OTOP1: variants seen among roughly 807,000 people sequenced by gnomAD.
OTOP1 encodes otopetrin 1.
OTOP1 carries 59 observed loss-of-function variants against 52.9 expected under a neutral mutation model. The observed-to-expected ratio is 1.12, with a 90% CI of 0.91 to 1.39. The LOEUF is 1.39. Among genes scored for constraint, OTOP1 ranks in the 40% most tolerant of loss-of-function variants. The probability of loss-of-function intolerance (pLI) is 0.00; values close to 1 mark genes in which losing one functional copy is unlikely to be tolerated. For synonymous variants in OTOP1, 317 were observed against 337.7 expected (o/e 0.94, Z 0.67); for missense variants, 761 against 800.9 (o/e 0.95, Z 0.60).
Position 4,202,521 on chromosome 4 carries a change from G to A in OTOP1, c.657C>T (p.Leu219=). 1 of 1,614,102 alleles carries A rather than the reference G, an allele frequency of 6.2e-7. No individual in the cohort carries two copies. The stretch of plus-strand genomic sequence containing the variant: ...CATTGAGTTGGTGCTTTGACTCATT[G>A]AGGACGCCATTGGCCCACAGAAGCA... ...TNLLLWANGV[L]NESKHQLNEH... The change falls in exon 4 of 6, where the codon CTC becomes CTT. Residue 219 remains leucine, a synonymous_variant. Transcript: ENST00000296358.
chr4:4,226,691 G>A lies in OTOP1; in HGVS notation c.174C>T (p.Ala58=), dbSNP rs199644487. Reference sequence around the variant, plus strand: ...GCCCATACTGGCTGCTCAGCATCTCGGCCAGTTTCTGTGGGACGCTGGCGC... The same window carrying A: ...GCCCATACTGGCTGCTCAGCATCTCAGCCAGTTTCTGTGGGACGCTGGCGC... ...GVRASVPQKL[A]EMLSSQYGLI... is the part of the protein sequence containing the mutation. The change falls in exon 1 of 6, where the codon GCC becomes GCT. Residue 58 remains alanine (A), a synonymous_variant. Coordinates refer to ENST00000296358, the MANE Select transcript of OTOP1 (RefSeq NM_177998.3). 3.0e-5 allele frequency: 45 copies of A among 1,495,460 alleles called. No individual in the cohort carries two copies. In the South Asian group the frequency reaches 5.3e-4, roughly 18 times the overall value. The allele number at this position is 1,495,460 out of a possible 1,614,324, so 92.6% of individuals were successfully genotyped here. A position where few individuals can be genotyped will look rare whatever the true frequency, so the allele number is the denominator to read the frequency against.
At position 4,188,993 on chromosome 4, in the gene OTOP1, G is replaced by A; in HGVS notation, c.1669-20C>T. ...CCAAAGCTGCAAGAGAAGAGAAAAT[G>A]GCATGTGGTGGGGAGCAGCTTCCAA... On this transcript the variant is annotated intron_variant, in intron 5 of 5. Transcript: ENST00000296358. 1 of 1,607,878 alleles carries A rather than the reference G, an allele frequency of 6.2e-7. No individual in the cohort carries two copies. The highest frequency in any genetic ancestry group is 8.5e-7 in the Non-Finnish European group (1 of 1,176,664).
At chr4:4,212,807 T>C in intron 2 of OTOP1, 61 bp downstream of exon 2, 1 of 1,582,872 alleles carries the variant, frequency 6.3e-7, no homozygotes, top group African/African-American at 1.3e-5. Context: ...TACAAGTTTC[T>C]ACACAACCTG....
chr4:4,211,920 TTAA>T (rs1717034208), intron 2 of OTOP1, among the ~76,000 whole-genome samples: 1 of 152,134 alleles, frequency 6.6e-6, no homozygotes, highest in African/African-American at 2.4e-5. Context: ...AAGACTATAG[TTAA>T]TAATATTGTA....
chr4:4,201,628 G>C (rs970354214), intron 4 of OTOP1, among the ~76,000 whole-genome samples: 2 of 152,006 alleles, frequency 1.3e-5, no homozygotes, highest in African/African-American at 4.8e-5. Context: ...GATGAAACAG[G>C]TTCAAAGTGG....
At chr4:4,218,392 A>AAG (rs1491221992) in intron 1 of OTOP1, among the ~76,000 whole-genome samples, 1 of 13,332 alleles carries the variant, frequency 7.5e-5, no homozygotes, top group African/African-American at 4.1e-4. Flanking sequence ...ACTCCAACTC[A>AAG]AAAAAAAAAA....
chr4:4,194,861 C>A (rs147827186), intron 5 of OTOP1, among the ~76,000 whole-genome samples: 261 of 152,326 alleles, frequency 1.7e-3, no homozygotes, highest in African/African-American at 5.8e-3. Context: ...ACCATCCTTC[C>A]TTTATGTGTC....
intron 5 of OTOP1, among the ~76,000 whole-genome samples, chr4:4,196,407 A>T (rs746865883): frequency 1.6e-4 from 24 of 152,038 alleles, no homozygotes; most frequent in Non-Finnish European, 2.6e-4. Flanking sequence ...ATTTTCAAAA[A>T]TTAGCCAAGT....
intron 5 of OTOP1, among the ~76,000 whole-genome samples, chr4:4,191,958 G>A (rs1716518811): frequency 6.6e-6 from 1 of 152,162 alleles, no homozygotes. Context: ...AGGAAGGCAG[G>A]AAAATGGGAC....
Position 4,226,856 on chromosome 4 carries a change from C to G in OTOP1, c.9G>C (p.Glu3Asp). The stretch of plus-strand genomic sequence containing the variant: ...GGGGCGAGGCGGGCGACCCCAGGCC[C>G]TCGAGCATCTTCGAGACACCCGCGC... ML[E>D]GLGSPASPRA... Residue 3 changes from glutamate to aspartate, a missense_variant, in exon 1 of 6, where the codon GAG becomes GAC. This residue lies in a region of OTOP1 where 73 missense variants were observed against 75.7 expected (regional missense o/e 0.96). Coordinates refer to ENST00000296358, the MANE Select transcript of OTOP1 (RefSeq NM_177998.3). The G allele has an allele frequency of 7.5e-7, 1 of 1,332,300 alleles. No homozygotes were observed. Among genetic ancestry groups the G allele is most frequent in the Non-Finnish European group, 9.6e-7 (1 of 1,046,032 alleles). The allele number at this position is 1,332,300 out of a possible 1,614,324, so 82.5% of individuals were successfully genotyped here. A position where few individuals can be genotyped will look rare whatever the true frequency, so the allele number is the denominator to read the frequency against.
intron 2 of OTOP1, among the ~76,000 whole-genome samples, chr4:4,209,550 C>T (rs566454700): frequency 6.6e-6 from 1 of 152,328 alleles, no homozygotes; most frequent in African/African-American, 2.4e-5. Context: ...TGGCTCCCCA[C>T]TGCCCTCGAG....
Position 4,209,051 on chromosome 4 carries a change from T to C in OTOP1, c.541-2921A>G, listed in dbSNP as rs115849759. Among the ~76,000 whole-genome samples, 1,257 of 152,302 alleles carry C rather than the reference T, an allele frequency of 8.3e-3. 16 individuals are homozygous for C. Among genetic ancestry groups the C allele is most frequent in the African/African-American group, 0.029 (1,205 of 41,566 alleles). On this transcript the variant is annotated intron_variant, in intron 2 of 5. Transcript: ENST00000296358. ...CTGGGCAAGTGTACTTCCAAGAGCA[T>C]CTTACCTGCTTTACTGCAGTCCTAA...
intron 3 of OTOP1, among the ~76,000 whole-genome samples, chr4:4,204,680 C>A (rs1716857516): frequency 6.6e-6 from 1 of 151,726 alleles, no homozygotes; most frequent in South Asian, 2.1e-4. Context: ...CTCTCATGAG[C>A]CATTTCTAAT....
At chr4:4,202,710 G>T in intron 3 of OTOP1, 132 bp from the exon 4 acceptor site, 2 of 1,179,094 alleles carry the variant, frequency 1.7e-6, no homozygotes, top group Non-Finnish European at 1.2e-6. Flanking sequence ...GGCAGTTCAG[G>T]CTCTGGGTGG....
Position 4,197,148 on chromosome 4 carries a change from T to A in OTOP1, c.1668+18A>T. ...TAAAGTAAAATTAAAAGAATAAGAA[T>A]AACTTGGTGCAGATTACCGAAATAT... is the stretch of plus-strand genomic sequence containing the variant. On this transcript the variant is annotated intron_variant, in intron 5 of 5. Transcript: ENST00000296358. The A allele has an allele frequency of 5.1e-6, 8 of 1,575,206 alleles. No individual in the cohort carries two copies. Among genetic ancestry groups the A allele is most frequent in the Non-Finnish European group, 6.9e-6 (8 of 1,159,430 alleles).
chr4:4,220,094 TA>T (rs1560211544), intron 1 of OTOP1, among the ~76,000 whole-genome samples: 1,151 of 103,750 alleles, frequency 0.011, 54 homozygotes, highest in African/African-American at 0.046. Flanking sequence ...TATATATATA[TA>T]TATATATATA....
At chr4:4,213,552 G>C (rs1717068880) in intron 1 of OTOP1, among the ~76,000 whole-genome samples, 1 of 152,170 alleles carries the variant, frequency 6.6e-6, no homozygotes, top group Non-Finnish European at 1.5e-5. Flanking sequence ...CTCATATAAT[G>C]AAATCGTACA....
Position 4,197,684 on chromosome 4 carries a change from T to G in OTOP1, c.1150A>C (p.Asn384His). 1 of 1,613,268 alleles carries G rather than the reference T, an allele frequency of 6.2e-7. No individual in the cohort carries two copies. ...IDEKSLDESKNPARKLDSDLL... is the reference protein window; with the variant it reads ...IDEKSLDESKHPARKLDSDLL... Reference sequence around the variant, plus strand: ...TCCGAGTCCAGTTTGCGGGCCGGATTTTTGGACTCATCCAGTGACTTCTCG... The same window carrying G: ...TCCGAGTCCAGTTTGCGGGCCGGATGTTTGGACTCATCCAGTGACTTCTCG... Residue 384 changes from asparagine (N) to histidine (H), a missense_variant, in exon 5 of 6, where the codon AAT becomes CAT. Physicochemically the swap from Asn to His is moderately conservative, Grantham distance 68. Coordinates refer to ENST00000296358, the MANE Select transcript of OTOP1 (RefSeq NM_177998.3).
chr4:4,225,691 G>T (rs114259754), intron 1 of OTOP1, among the ~76,000 whole-genome samples: 2 of 151,840 alleles, frequency 1.3e-5, no homozygotes, highest in African/African-American at 4.8e-5. Flanking sequence ...CTGCATCCAC[G>T]CATTCATTAT....
Sources: gnomAD v4.1 joint callset for allele counts (sites outside exome capture counted in the v4.1 genomes callset) on GRCh38, gnomAD v4.1.1 for gene constraint, gnomAD v4.1.1 regional missense constraint, MANE v1.5 for transcripts, NCBI Gene and HGNC (gene_info 2026-07-23, HGNC 2026-07-21) for gene names.